NUP153: variants seen among roughly 807,000 people sequenced by gnomAD.
The protein encoded by NUP153 is nuclear pore complex protein Nup153.
A neutral mutation model predicts 134.6 loss-of-function variants in NUP153; 27 were observed. The ratio of observed to expected loss-of-function variants is 0.20; its 90% CI spans 0.15 to 0.28. The LOEUF is 0.28. Among genes scored for constraint, NUP153 ranks in the 10% least tolerant of loss-of-function variants. NUP153 has a pLI of 1.00. For missense variants in NUP153, 1,821 were observed against 1,731.3 expected (o/e 1.05, Z -0.92); for synonymous variants, 640 against 623.5 (o/e 1.03, Z -0.40).
At chr6:17,640,116 T>C in intron 14 of NUP153, 52 bp from the exon 15 acceptor site, 2 of 1,327,036 alleles carry the variant, frequency 1.5e-6, no homozygotes, top group Non-Finnish European at 2.0e-6. Flanking sequence ...CACTGGACTC[T>C]CAAATGCATT....
chr6:17,652,194 A>T (rs1766535583), intron 11 of NUP153, among the ~76,000 whole-genome samples: 1 of 152,232 alleles, frequency 6.6e-6, no homozygotes, highest in Non-Finnish European at 1.5e-5. Flanking sequence ...ACAAAGATCT[A>T]ATACTATCAG....
intron 1 of NUP153, among the ~76,000 whole-genome samples, chr6:17,702,362 C>T (rs1308135341): frequency 6.6e-6 from 1 of 152,108 alleles, no homozygotes; most frequent in Non-Finnish European, 1.5e-5. Flanking sequence ...AAAAAATTAG[C>T]CGGACGTGGT....
At chr6:17,636,665 T>A (rs559981600) in intron 16 of NUP153, among the ~76,000 whole-genome samples, 33 of 152,256 alleles carry the variant, frequency 2.2e-4, no homozygotes, top group Non-Finnish European at 4.4e-4. Flanking sequence ...CAAAACTAAC[T>A]CCATGTTTCT....
intron 11 of NUP153, among the ~76,000 whole-genome samples, chr6:17,649,858 T>C (rs1766414937): frequency 6.6e-6 from 1 of 152,226 alleles, no homozygotes; most frequent in Non-Finnish European, 1.5e-5. Flanking sequence ...GGTTCAATAT[T>C]ATCTGCAGTT....
chr6:17,699,498 G>T (rs367835835), intron 1 of NUP153, among the ~76,000 whole-genome samples: 3 of 121,762 alleles, frequency 2.5e-5, no homozygotes, highest in Non-Finnish European at 5.4e-5. Flanking sequence ...AAAAAAAAAA[G>T]AAAATACAAG....
intron 1 of NUP153, among the ~76,000 whole-genome samples, chr6:17,705,482 A>G (rs1770417902): frequency 6.6e-6 from 1 of 151,556 alleles, no homozygotes; most frequent in Non-Finnish European, 1.5e-5. Flanking sequence ...AATACGCCTC[A>G]TAATATTAAA....
intron 1 of NUP153, among the ~76,000 whole-genome samples, chr6:17,697,197 A>C (rs946796237): frequency 1.7e-4 from 26 of 152,244 alleles, no homozygotes; most frequent in Non-Finnish European, 2.5e-4. Context: ...GAACTGGCTA[A>C]ATCCACTGGG....
chr6:17,692,126 A>G (rs1769316565), intron 1 of NUP153, among the ~76,000 whole-genome samples: 1 of 152,228 alleles, frequency 6.6e-6, no homozygotes, highest in South Asian at 2.1e-4. Flanking sequence ...TAGATCCCTC[A>G]TGTGGCAACA....
chr6:17,683,106 CTCAAAGTTA>C (rs1199759016), intron 2 of NUP153, among the ~76,000 whole-genome samples: 8 of 152,080 alleles, frequency 5.3e-5, no homozygotes, highest in African/African-American at 1.9e-4. Flanking sequence ...TCCTGAACCC[CTCAAAGTTA>C]TCCATGGGGG....
intron 10 of NUP153, 63 bp from the exon 11 acceptor site, chr6:17,661,842 A>G (rs1767205385): frequency 1.4e-6 from 2 of 1,468,348 alleles, no homozygotes; most frequent in Non-Finnish European, 1.9e-6. Context: ...CTTGTTAACT[A>G]GAACTGCTAA....
At chr6:17,704,886 A>G (rs1439108098) in intron 1 of NUP153, among the ~76,000 whole-genome samples, 1 of 152,034 alleles carries the variant, frequency 6.6e-6, no homozygotes, top group African/African-American at 2.4e-5. Flanking sequence ...CAGCCTCCCA[A>G]GTAGCTGGGA....
intron 11 of NUP153, among the ~76,000 whole-genome samples, chr6:17,657,470 A>G (rs1766899226): frequency 6.6e-6 from 1 of 152,046 alleles, no homozygotes; most frequent in Admixed American, 6.6e-5. Flanking sequence ...AGGCTGAGAC[A>G]TGAGAATCAC....
intron 9 of NUP153, among the ~76,000 whole-genome samples, 187 bp downstream of exon 9, chr6:17,665,052 C>CAAACAAAAAAAAA (rs1554141948): frequency 1.4e-5 from 1 of 69,686 alleles, no homozygotes; most frequent in Non-Finnish European, 2.6e-5. Context: ...GACTCCGTCT[C>CAAACAAAAAAAAA]AAAAAAAAAA....
intron 1 of NUP153, among the ~76,000 whole-genome samples, chr6:17,690,562 T>C (rs1186288788): frequency 3.3e-5 from 5 of 152,134 alleles, no homozygotes; most frequent in African/African-American, 4.8e-5. Context: ...AGAAACATAC[T>C]GAAAACTTTT....
chr6:17,632,846 TAAAAAAAA>T lies in NUP153; in HGVS notation c.2465-10_2465-3del. The T allele has an allele frequency of 1.2e-6, 1 of 864,574 alleles. No individual in the cohort carries two copies. The highest frequency in any genetic ancestry group is 1.5e-6 in the Non-Finnish European group (1 of 648,386). 53.6% of individuals were successfully genotyped at this position (864,574 alleles called of 1,614,324 possible). The stretch of plus-strand genomic sequence containing the variant: ...TACTTGAAGCAGGTACTGAACTTCC[TAAAAAAAA>T]AAAAAAAAACGGGGAGTGGGGGGAG... On this transcript the variant is annotated splice_polypyrimidine_tract_variant and splice_region_variant and intron_variant, in intron 16 of 21. Transcript: ENST00000262077.
chr6:17,643,662 T>C (rs747700749), intron 14 of NUP153, among the ~76,000 whole-genome samples: 9 of 152,356 alleles, frequency 5.9e-5, no homozygotes, highest in African/African-American at 9.6e-5. Flanking sequence ...ACTTAGCTCC[T>C]GTCACAAAGT....
At chr6:17,662,367 C>G (rs1767242161) in intron 9 of NUP153, among the ~76,000 whole-genome samples, 1 of 152,106 alleles carries the variant, frequency 6.6e-6, no homozygotes, top group South Asian at 2.1e-4. Flanking sequence ...TCTTTTTGTC[C>G]TGTTAATTGT....
At chr6:17,701,711 G>C (rs573595466) in intron 1 of NUP153, among the ~76,000 whole-genome samples, 1 of 151,278 alleles carries the variant, frequency 6.6e-6, no homozygotes, top group South Asian at 2.1e-4. Flanking sequence ...GCCTGCGCCT[G>C]TAATCCCAGC....
chr6:17,628,575 G>GC lies in NUP153; in HGVS notation c.3544+79dup, dbSNP rs1432086275. On this transcript the variant is annotated intron_variant, in intron 18 of 21. Transcript: ENST00000262077. The surrounding 1 kb of genome is among the most constrained non-coding windows in gnomAD (Gnocchi z 5.4). Reference sequence around the variant, plus strand: ...AGTGTAAACCATTAATTGACTTGCTGCATCTGTCAAGGCAACTTGTAAAAC... The same window carrying GC: ...AGTGTAAACCATTAATTGACTTGCTGCCATCTGTCAAGGCAACTTGTAAAAC... 19 of 700,850 alleles carry GC rather than the reference G, an allele frequency of 2.7e-5. No homozygotes were observed. The highest frequency in any genetic ancestry group is 3.7e-5 in the Non-Finnish European group (19 of 509,052). The allele number at this position is 700,850 out of a possible 1,614,324, so 43.4% of individuals were successfully genotyped here.
Sources: allele counts gnomAD v4.1 joint callset (sites outside exome capture counted in the v4.1 genomes callset), GRCh38; gene constraint gnomAD v4.1.1; non-coding constraint Gnocchi (gnomAD v3.1); transcripts MANE v1.5; gene names NCBI Gene and HGNC (gene_info 2026-07-23, HGNC 2026-07-21).